The following EPB41L5 variants were observed in gnomAD, a reference collection of about 807,000 sequenced individuals.
EPB41L5 encodes the protein erythrocyte membrane protein band 4.1 like 5, also known as band 4.1-like protein 5.
A neutral mutation model predicts 106.6 loss-of-function variants in EPB41L5; 55 were observed. The observed-to-expected ratio is 0.52, with a 90% CI of 0.42 to 0.65. EPB41L5 has a LOEUF of 0.65. EPB41L5 is among the 30% of genes least tolerant of loss of function. EPB41L5 has a pLI of 0.00. For synonymous variants in EPB41L5, 297 were observed against 306.7 expected (o/e 0.97, Z 0.33); for missense variants, 871 against 882.1 (o/e 0.99, Z 0.16).
At chr2:120,129,360 A>AAAG (rs1276173960) in intron 17 of EPB41L5, among the ~76,000 whole-genome samples, 6 of 151,340 alleles carry the variant, frequency 4.0e-5, no homozygotes, top group Non-Finnish European at 8.9e-5. Context: ...AGAAAGAAAG[A>AAAG]AAAAATTAAA....
intron 3 of EPB41L5, among the ~76,000 whole-genome samples, chr2:120,063,856 C>T (rs1284154670): frequency 2.6e-5 from 4 of 151,760 alleles, no homozygotes; most frequent in Non-Finnish European, 4.4e-5. Flanking sequence ...GCAGGAGAAT[C>T]GCTTGAACCC....
rs922490360 is a variant in EPB41L5 at position 120,037,935 on chromosome 2, T to G, written c.181-4071T>G. ...ACATAGAGACCTAAAACTATAAAAT[T>G]CATAGAAGAAAACAGGGAAAAAATC... On this transcript the variant is annotated intron_variant, in intron 2 of 24. Transcript: ENST00000263713. Among the ~76,000 whole-genome samples, 6 of 152,010 alleles carry G rather than the reference T, an allele frequency of 3.9e-5. No homozygotes were observed. The East Asian group carries it at 5.8e-4, about 15-fold the overall frequency.
intron 3 of EPB41L5, among the ~76,000 whole-genome samples, chr2:120,043,980 C>A (rs1679600853): frequency 6.6e-6 from 1 of 151,462 alleles, no homozygotes; most frequent in Non-Finnish European, 1.5e-5. Context: ...GACCCTGTCT[C>A]TACAAAAATA....
intron 16 of EPB41L5, among the ~76,000 whole-genome samples, chr2:120,124,683 T>C (rs1322534029): frequency 6.6e-6 from 1 of 152,214 alleles, no homozygotes; most frequent in Non-Finnish European, 1.5e-5. Context: ...ATACCTTGTA[T>C]AGCTGTTTTT....
chr2:120,047,258 G>C (rs1265166545), intron 3 of EPB41L5, among the ~76,000 whole-genome samples: 2 of 152,170 alleles, frequency 1.3e-5, no homozygotes, highest in African/African-American at 4.8e-5. Flanking sequence ...GGGCAGTATG[G>C]CTATTTTCAC....
chr2:120,057,780 C>T (rs1196707707), intron 3 of EPB41L5, among the ~76,000 whole-genome samples: 1 of 151,656 alleles, frequency 6.6e-6, no homozygotes, highest in Non-Finnish European at 1.5e-5. Flanking sequence ...GTACATGTAG[C>T]AAAGCCACCC....
At chr2:120,058,974 G>T (rs1304107662) in intron 3 of EPB41L5, among the ~76,000 whole-genome samples, 1 of 152,160 alleles carries the variant, frequency 6.6e-6, no homozygotes, top group Non-Finnish European at 1.5e-5. Context: ...TATATGGAAA[G>T]ACAGAGGACT....
intron 2 of EPB41L5, among the ~76,000 whole-genome samples, chr2:120,021,957 C>T (rs1440990710): frequency 1.3e-5 from 2 of 152,062 alleles, no homozygotes; most frequent in South Asian, 2.1e-4. Flanking sequence ...TATAGTTAGC[C>T]GTCTTCTTCC....
intron 3 of EPB41L5, among the ~76,000 whole-genome samples, chr2:120,058,517 A>G (rs1310817760): frequency 6.6e-6 from 1 of 152,208 alleles, no homozygotes; most frequent in Non-Finnish European, 1.5e-5. Context: ...AGAAATATAG[A>G]TAGCGTGATG....
intron 20 of EPB41L5, among the ~76,000 whole-genome samples, chr2:120,159,508 C>A (rs960391322): frequency 7.9e-5 from 12 of 151,156 alleles, no homozygotes; most frequent in Non-Finnish European, 7.4e-5. Flanking sequence ...AATGCTATTT[C>A]TGTTAAACTA....
At chr2:120,081,135 G>T (rs1682627510) in intron 10 of EPB41L5, among the ~76,000 whole-genome samples, 1 of 152,062 alleles carries the variant, frequency 6.6e-6, no homozygotes, top group Non-Finnish European at 1.5e-5. Flanking sequence ...TGTCAATTTT[G>T]GCTTTTGTTG....
chr2:120,133,077 T>C (rs565850435), intron 18 of EPB41L5, among the ~76,000 whole-genome samples: 2 of 151,992 alleles, frequency 1.3e-5, no homozygotes, highest in Admixed American at 6.5e-5. Context: ...AGGAGCACTT[T>C]AGGTGAAGGA....
At chr2:120,040,116 T>C (rs1475932612) in intron 2 of EPB41L5, among the ~76,000 whole-genome samples, 1 of 150,970 alleles carries the variant, frequency 6.6e-6, no homozygotes, top group East Asian at 1.9e-4. Flanking sequence ...TAATATGTGC[T>C]AAAAAAAAGA....
At chr2:120,039,828 G>GAAA (rs564488728) in intron 2 of EPB41L5, among the ~76,000 whole-genome samples, 7 of 86,426 alleles carry the variant, frequency 8.1e-5, no homozygotes, top group South Asian at 3.9e-4. Context: ...TCTGTCTCAG[G>GAAA]AAAAAAAAAA....
intron 3 of EPB41L5, among the ~76,000 whole-genome samples, chr2:120,069,706 C>T (rs1331466457): frequency 2.6e-5 from 4 of 152,146 alleles, no homozygotes; most frequent in Non-Finnish European, 5.9e-5. Context: ...ACAACCTGGT[C>T]CTGAATGACT....
chr2:120,089,663 T>A (rs1202671074), intron 11 of EPB41L5, among the ~76,000 whole-genome samples: 1 of 152,146 alleles, frequency 6.6e-6, no homozygotes. Context: ...AGTTTTACTA[T>A]TATAAATGAG....
At chr2:120,073,638 G>A (rs1682032992) in intron 4 of EPB41L5, among the ~76,000 whole-genome samples, 1 of 152,168 alleles carries the variant, frequency 6.6e-6, no homozygotes, top group South Asian at 2.1e-4. Context: ...GAATACCATT[G>A]TTTATTCATT....
At chr2:120,014,971 TA>T (rs35008136) in intron 1 of EPB41L5, among the ~76,000 whole-genome samples, 97,508 of 140,974 alleles carry the variant, frequency 0.69, 34,508 homozygotes, top group Non-Finnish European at 0.79. Flanking sequence ...TCACAATCAT[TA>T]AAAAAAAAAA....
At chr2:120,055,889 ATG>A (rs567188651) in intron 3 of EPB41L5, among the ~76,000 whole-genome samples, 11 of 152,210 alleles carry the variant, frequency 7.2e-5, no homozygotes, top group Admixed American at 2.0e-4. Flanking sequence ...AGATGGTTTT[ATG>A]TCTTCCTTTA....
Sources: gnomAD v4.1 joint callset for allele counts (sites outside exome capture counted in the v4.1 genomes callset) on GRCh38, gnomAD v4.1.1 for gene constraint, MANE v1.5 for transcripts, NCBI Gene and HGNC (gene_info 2026-07-23, HGNC 2026-07-21) for gene names.